PCED1B: variants seen among roughly 807,000 people sequenced by gnomAD.
PCED1B encodes the protein PC-esterase domain containing 1B.
For missense variants in PCED1B, 573 were observed against 573.9 expected (o/e 1.00, Z 0.02); for synonymous variants, 251 against 246.1 (o/e 1.02, Z -0.19).
At chr12:47,201,369 G>T (rs1175562075) in intron 2 of PCED1B, among the ~76,000 whole-genome samples, 1 of 152,038 alleles carries the variant, frequency 6.6e-6, no homozygotes, top group Non-Finnish European at 1.5e-5. Context: ...GGATGTGCTG[G>T]GAGTCAGCTT....
chr12:47,204,233 G>A (rs943364643), intron 2 of PCED1B, among the ~76,000 whole-genome samples: 2 of 152,110 alleles, frequency 1.3e-5, no homozygotes, highest in Non-Finnish European at 1.5e-5. Context: ...ACAAGTGTGA[G>A]CCACCACGCC....
rs150218965 is a variant in PCED1B, at chr12:47,235,555, G to C, written c.492G>C (p.Thr164=). Residue 164 remains threonine (T), a synonymous_variant, in exon 4 of 4, where the codon ACG becomes ACC. Coordinates refer to ENST00000546455, the MANE Select transcript of PCED1B (RefSeq NM_138371.3). ...AGTCTTGCCTCCTGGTGTGGAACAC[G>C]GCCATGCCTGTGGGCGAGGAAGTCA... ...LPESCLLVWN[T]AMPVGEEVTG... The C allele has an allele frequency of 8.7e-6, 14 of 1,609,654 alleles. No individual in the cohort carries two copies. Among genetic ancestry groups the C allele is most frequent in the Middle Eastern group, 1.7e-4 (1 of 6,054 alleles).
intron 2 of PCED1B, among the ~76,000 whole-genome samples, chr12:47,178,560 G>GA (rs199845953): frequency 1.3e-5 from 2 of 151,824 alleles, no homozygotes. Flanking sequence ...AAAATAAAGG[G>GA]AAAAAAAGCA....
At position 47,236,123 on chromosome 12, in the gene PCED1B, T is replaced by C. The variant is rs773649009; in HGVS notation, c.1060T>C (p.Tyr354His). The stretch of plus-strand genomic sequence containing the variant: ...CCATACTTTCCAGTCGGATCAATTC[T>C]ATTGCCATTCAGATGTCCCCTCATC... ...SDHTFQSDQF[Y>H]CHSDVPSSAH... The change falls in exon 4 of 4, where the codon TAT (tyrosine) becomes CAT (histidine). Residue 354 changes from tyrosine to histidine, a missense_variant. By Grantham distance (83) the Tyr-to-His change is moderately conservative (BLOSUM62 2). Transcript: ENST00000546455. 1 of 1,614,144 alleles carries C rather than the reference T, an allele frequency of 6.2e-7. No individual in the cohort carries two copies. The highest frequency in any genetic ancestry group is 1.1e-5 in the South Asian group (1 of 91,088).
Position 47,235,583 on chromosome 12 carries a change from G to C in PCED1B, c.520G>C (p.Gly174Arg), listed in dbSNP as rs751416285. The C allele has an allele frequency of 4.4e-6, 7 of 1,608,480 alleles. No individual in the cohort carries two copies. The highest frequency in any genetic ancestry group is 2.2e-5 in the East Asian group (1 of 44,800). Residue 174 changes from glycine to arginine, a missense_variant, in exon 4 of 4, where the codon GGG (glycine) becomes CGG (arginine). Coordinates refer to ENST00000546455, the MANE Select transcript of PCED1B (RefSeq NM_138371.3). ...CATGCCTGTGGGCGAGGAAGTCACCGGGGGTTTTCTTCCGCCCAAGCTCCG... is the reference window on the plus strand; with the variant it reads ...CATGCCTGTGGGCGAGGAAGTCACCCGGGGTTTTCTTCCGCCCAAGCTCCG... ...TAMPVGEEVT[G>R]GFLPPKLRRQ...
At chr12:47,155,455 G>C (rs1221523933) in intron 2 of PCED1B, among the ~76,000 whole-genome samples, 1 of 152,152 alleles carries the variant, frequency 6.6e-6, no homozygotes, top group Non-Finnish European at 1.5e-5. Flanking sequence ...CAAACTTTTT[G>C]CCGAAGCCAT....
chr12:47,094,961 C>G (rs78982162), intron 1 of PCED1B, among the ~76,000 whole-genome samples: 9,226 of 148,440 alleles, frequency 0.062, 393 homozygotes, highest in East Asian at 0.11. Flanking sequence ...AGCTGGAATG[C>G]AGTGGCGTGA....
rs192563388 is a variant in PCED1B, at chr12:47,189,846, C to T, written c.-525-26376C>T. 4.6e-5 allele frequency among the ~76,000 whole-genome samples: 7 copies of T among 152,324 alleles called. No individual in the cohort carries two copies. In the East Asian group the frequency reaches 1.4e-3, roughly 29 times the overall value. On this transcript the variant is annotated intron_variant, in intron 2 of 3. Transcript: ENST00000546455. Reference sequence around the variant, plus strand: ...ACTAACAAAATGCATATCCTTGAAACTTCCAAACAGAAGACTCTGGGGATG... The same window carrying T: ...ACTAACAAAATGCATATCCTTGAAATTTCCAAACAGAAGACTCTGGGGATG...
intron 1 of PCED1B, among the ~76,000 whole-genome samples, chr12:47,086,771 C>CT (rs1362423705): frequency 6.6e-6 from 1 of 152,140 alleles, no homozygotes; most frequent in African/African-American, 2.4e-5. Context: ...TCCCTCAAAA[C>CT]TGGGGTTAAT....
chr12:47,125,294 G>A (rs1206820133), intron 2 of PCED1B, among the ~76,000 whole-genome samples: 1 of 151,300 alleles, frequency 6.6e-6, no homozygotes, highest in Non-Finnish European at 1.5e-5. Flanking sequence ...AATTCCCTTT[G>A]TACCCCTGCA....
chr12:47,219,092 G>A (rs1030671127), intron 3 of PCED1B, among the ~76,000 whole-genome samples: 1 of 152,096 alleles, frequency 6.6e-6, no homozygotes, highest in African/African-American at 2.4e-5. Flanking sequence ...AGCGAGCCAA[G>A]ATTGCACCAC....
intron 3 of PCED1B, among the ~76,000 whole-genome samples, chr12:47,231,287 A>G (rs1943798546): frequency 6.6e-6 from 1 of 152,212 alleles, no homozygotes; most frequent in African/African-American, 2.4e-5. Context: ...GCCAAAGCAG[A>G]AAGCTTTTAT....
At chr12:47,211,255 G>A (rs1448994790) in intron 2 of PCED1B, among the ~76,000 whole-genome samples, 1 of 152,186 alleles carries the variant, frequency 6.6e-6, no homozygotes, top group East Asian at 1.9e-4. Context: ...GCTAAGCACT[G>A]TGCCTGACCG....
intron 2 of PCED1B, among the ~76,000 whole-genome samples, chr12:47,113,965 A>AAAC (rs1555191179): frequency 1.5e-4 from 23 of 148,910 alleles, no homozygotes; most frequent in Middle Eastern, 6.9e-3. Context: ...AGAAAAAAAA[A>AAAC]ACACACACAC....
At position 47,099,891 on chromosome 12, in the gene PCED1B, T is replaced by C. The variant is rs138121423; in HGVS notation, c.-608-4222T>C. ...CACAGTTTCTCAGGCTCCAATCCATTCCATGCCAGTCATAAAGCTGACTTT... is the reference window on the plus strand; with the variant it reads ...CACAGTTTCTCAGGCTCCAATCCATCCCATGCCAGTCATAAAGCTGACTTT... On this transcript the variant is annotated intron_variant, in intron 1 of 3. Coordinates refer to ENST00000546455, the MANE Select transcript of PCED1B (RefSeq NM_138371.3). 2.3e-3 allele frequency among the ~76,000 whole-genome samples: 351 copies of C among 152,234 alleles called. 1 individual carries two copies. Among genetic ancestry groups the C allele is most frequent in the African/African-American group, 7.8e-3 (326 of 41,538 alleles).
At chr12:47,203,714 T>C (rs559951415) in intron 2 of PCED1B, among the ~76,000 whole-genome samples, 4 of 152,372 alleles carry the variant, frequency 2.6e-5, no homozygotes, top group Admixed American at 2.6e-4. Context: ...AGTCTATTAC[T>C]GATGGGCATT....
At chr12:47,196,503 C>T (rs1362944602) in intron 2 of PCED1B, among the ~76,000 whole-genome samples, 1 of 152,168 alleles carries the variant, frequency 6.6e-6, no homozygotes, top group Non-Finnish European at 1.5e-5. Context: ...AAGGAAGAAA[C>T]AATTTAAAAA....
chr12:47,114,869 T>C (rs1464317725), intron 2 of PCED1B, among the ~76,000 whole-genome samples: 2 of 152,196 alleles, frequency 1.3e-5, no homozygotes, highest in East Asian at 1.9e-4. Context: ...TTTCCTGCTG[T>C]CCATTAAAGA....
At chr12:47,214,357 GTC>G (rs1455220397) in intron 2 of PCED1B, among the ~76,000 whole-genome samples, 1 of 152,146 alleles carries the variant, frequency 6.6e-6, no homozygotes, top group Non-Finnish European at 1.5e-5. Context: ...AAAAAGCTAA[GTC>G]TTCAGAGCAT....
Sources: gnomAD v4.1 joint callset for allele counts (sites outside exome capture counted in the v4.1 genomes callset) on GRCh38, gnomAD v4.1.1 for gene constraint, MANE v1.5 for transcripts, NCBI Gene and HGNC (gene_info 2026-07-23, HGNC 2026-07-21) for gene names.